The following RBFOX1 variants were observed in gnomAD, a reference collection of about 807,000 sequenced individuals.
RBFOX1 encodes the protein RNA binding fox-1 homolog 1.
In RBFOX1, 8 loss-of-function variants were observed where a neutral mutation model predicts 57.7. The observed-to-expected ratio is 0.14, with a 90% confidence interval of 0.08 to 0.25. The LOEUF is 0.25. Among genes scored for constraint, RBFOX1 ranks in the 10% least tolerant of loss-of-function variants. The probability of loss-of-function intolerance (pLI) is 1.00; values close to 1 mark genes in which losing one functional copy is unlikely to be tolerated. For missense variants in RBFOX1, 611 were observed against 548.5 expected (o/e 1.11, Z -1.14); for synonymous variants, 326 against 222.4 (o/e 1.47, Z -4.15).
intron 1 of RBFOX1, among the ~76,000 whole-genome samples, chr16:5,407,157 G>A (rs181716482): frequency 1.3e-5 from 2 of 152,112 alleles, no homozygotes; most frequent in Admixed American, 6.5e-5. Flanking sequence ...AGAGTGAAAA[G>A]TGCAGGGGAA....
intron 9 of RBFOX1, among the ~76,000 whole-genome samples, chr16:7,603,115 C>CA (rs1452357530): frequency 6.6e-6 from 1 of 152,056 alleles, no homozygotes; most frequent in Non-Finnish European, 1.5e-5. Context: ...ACGCCTACAT[C>CA]AAAAAAGTAA....
chr16:5,793,306 C>G (rs983599975), intron 3 of RBFOX1, among the ~76,000 whole-genome samples: 2 of 152,252 alleles, frequency 1.3e-5, no homozygotes, highest in African/African-American at 4.8e-5. Flanking sequence ...CGAAACTCAG[C>G]TTAACCGTGT....
At chr16:6,842,418 C>G (rs978012995) in intron 3 of RBFOX1, among the ~76,000 whole-genome samples, 7 of 152,176 alleles carry the variant, frequency 4.6e-5, no homozygotes, top group African/African-American at 1.4e-4. Context: ...AGATTATTCA[C>G]TGTTTGGGCA....
intron 14 of RBFOX1, among the ~76,000 whole-genome samples, chr16:7,694,174 C>G (rs141540339): frequency 3.1e-4 from 47 of 152,306 alleles, no homozygotes; most frequent in African/African-American, 9.6e-4. Context: ...AAAACAATCA[C>G]TAGGAAGTCT....
At chr16:5,593,999 A>G (rs541881840) in intron 2 of RBFOX1, among the ~76,000 whole-genome samples, 1 of 150,822 alleles carries the variant, frequency 6.6e-6, no homozygotes, top group Non-Finnish European at 1.5e-5. Flanking sequence ...CTGCCCCCAC[A>G]CCTTCTGCCC....
rs548387315 is a variant in RBFOX1 at position 7,513,113 on chromosome 16, A to G, written c.28-5034A>G. On this transcript the variant is annotated intron_variant, in intron 4 of 15. Coordinates refer to ENST00000550418, the MANE Select transcript of RBFOX1 (RefSeq NM_018723.4). ...GCCGTCTCTACTAAAAATACAAAAA[A>G]TTAGCCAGTCATCATGGCGGGTGCC... 2.0e-5 allele frequency among the ~76,000 whole-genome samples: 3 copies of G among 152,204 alleles called. No homozygotes were observed. In the South Asian group the frequency reaches 6.2e-4, roughly 32 times the overall value.
intron 4 of RBFOX1, among the ~76,000 whole-genome samples, chr16:7,315,797 T>C (rs2096424971): frequency 6.6e-6 from 1 of 152,186 alleles, no homozygotes; most frequent in African/African-American, 2.4e-5. Flanking sequence ...TTCTCTATTA[T>C]TTGAATTCGT....
Position 7,697,254 on chromosome 16 carries a change from T to C in RBFOX1, c.996-11802T>C, listed in dbSNP as rs183986397. Among the ~76,000 whole-genome samples, 226 of 152,178 alleles carry C rather than the reference T, an allele frequency of 1.5e-3. 2 individuals are homozygous for C. The highest frequency in any genetic ancestry group is 2.7e-3 in the African/African-American group (114 of 41,514). On this transcript the variant is annotated intron_variant, in intron 14 of 15. Coordinates refer to ENST00000550418, the MANE Select transcript of RBFOX1 (RefSeq NM_018723.4). Reference sequence around the variant, plus strand: ...GAGAAGTGGTCATCTTTAAGCTGTATTTTGATGGGAGAACAAACAGGACAT... The same window carrying C: ...GAGAAGTGGTCATCTTTAAGCTGTACTTTGATGGGAGAACAAACAGGACAT...
chr16:7,132,407 A>G (rs2070724773), intron 4 of RBFOX1, among the ~76,000 whole-genome samples: 1 of 151,074 alleles, frequency 6.6e-6, no homozygotes, highest in Non-Finnish European at 1.5e-5. Context: ...TTGATGGGTG[A>G]AAGGTTGAAG....
Position 7,307,235 on chromosome 16 carries a change from G to A in RBFOX1, c.28-210912G>A, listed in dbSNP as rs977406906. On this transcript the variant is annotated intron_variant, in intron 4 of 15. Coordinates refer to ENST00000550418, the MANE Select transcript of RBFOX1 (RefSeq NM_018723.4). ...GTCTTCCCTGAAGTATATTTTTCTG[G>A]AATGCAGTTTCATATGGTTATTTCT... 7.9e-5 allele frequency among the ~76,000 whole-genome samples: 12 copies of A among 152,120 alleles called. No individual in the cohort carries two copies. In the South Asian group the frequency reaches 1.7e-3, roughly 21 times the overall value.
intron 5 of RBFOX1, among the ~76,000 whole-genome samples, chr16:7,521,989 C>A (rs2077605654): frequency 6.6e-6 from 1 of 152,174 alleles, no homozygotes; most frequent in Non-Finnish European, 1.5e-5. Flanking sequence ...TTGGATTCAT[C>A]CCATATAAGC....
chr16:5,418,918 G>T (rs1380816425), intron 1 of RBFOX1, among the ~76,000 whole-genome samples: 2 of 152,198 alleles, frequency 1.3e-5, no homozygotes. Context: ...TGCAGGAAGG[G>T]TGGTGCCCCA....
intron 4 of RBFOX1, among the ~76,000 whole-genome samples, chr16:7,261,996 C>A (rs976855122): frequency 2.0e-5 from 3 of 152,120 alleles, no homozygotes; most frequent in African/African-American, 7.2e-5. Flanking sequence ...TTGTCTTTTC[C>A]TGATTATCCC....
chr16:7,699,769 T>C (rs183460791), intron 14 of RBFOX1, among the ~76,000 whole-genome samples: 8 of 152,282 alleles, frequency 5.3e-5, no homozygotes, highest in Non-Finnish European at 1.5e-5. Flanking sequence ...TACTGTAAAA[T>C]TTAAAATGAC....
At chr16:5,616,393 C>A (rs867335064) in intron 3 of RBFOX1, among the ~76,000 whole-genome samples, 1 of 152,210 alleles carries the variant, frequency 6.6e-6, no homozygotes, top group Admixed American at 6.5e-5. Context: ...CAGCGAGGTC[C>A]AGGCGCTGCT....
intron 4 of RBFOX1, among the ~76,000 whole-genome samples, chr16:7,395,298 A>G (rs2098122635): frequency 6.6e-6 from 1 of 152,224 alleles, no homozygotes; most frequent in South Asian, 2.1e-4. Flanking sequence ...ATCAGATAGA[A>G]GGGAGAATGC....
chr16:6,311,170 C>T (rs1567908458), intron 1 of RBFOX1, among the ~76,000 whole-genome samples: 1 of 151,694 alleles, frequency 6.6e-6, no homozygotes, highest in Admixed American at 6.6e-5. Flanking sequence ...GTGGTGGGCA[C>T]CTGTAATCCC....
chr16:7,539,836 T>C (rs2082441688), intron 5 of RBFOX1, among the ~76,000 whole-genome samples: 1 of 152,090 alleles, frequency 6.6e-6, no homozygotes, highest in African/African-American at 2.4e-5. Context: ...GAATATAGCA[T>C]CCAGATAGAT....
At chr16:5,544,034 A>G (rs1034545194) in intron 2 of RBFOX1, among the ~76,000 whole-genome samples, 4 of 152,220 alleles carry the variant, frequency 2.6e-5, no homozygotes, top group Admixed American at 2.6e-4. Context: ...GAAAGTGTGC[A>G]AATGACCTGA....
Sources: allele counts gnomAD v4.1 joint callset (sites outside exome capture counted in the v4.1 genomes callset), GRCh38; gene constraint gnomAD v4.1.1; transcripts MANE v1.5; gene names NCBI Gene and HGNC (gene_info 2026-07-23, HGNC 2026-07-21).